The following SLC6A13 variants were observed in gnomAD, a reference collection of about 807,000 sequenced individuals.
SLC6A13 encodes sodium- and chloride-dependent GABA transporter 2.
A neutral mutation model predicts 72.9 loss-of-function variants in SLC6A13; 69 were observed. The observed-to-expected ratio is 0.95, with a 90% confidence interval of 0.78 to 1.16. The LOEUF is 1.16. Among genes scored for constraint, SLC6A13 ranks in the 50% most tolerant of loss-of-function variants. The pLI is 0.00. For missense variants in SLC6A13, 735 were observed against 760.5 expected (o/e 0.97, Z 0.39); for synonymous variants, 303 against 303.0 (o/e 1.00, Z 0.00).
At chr12:250,833 C>CAAAAAAAAAAAAAAAAA (rs71045051) in intron 2 of SLC6A13, among the ~76,000 whole-genome samples, 25 of 82,572 alleles carry the variant, frequency 3.0e-4, no homozygotes, top group African/African-American at 4.4e-4. Context: ...AATAGCCCCC[C>CAAAAAAAAAAAAAAAAA]AAAAAAAAAA....
At chr12:252,856 C>T (rs1328038727) in intron 2 of SLC6A13, among the ~76,000 whole-genome samples, 1 of 152,162 alleles carries the variant, frequency 6.6e-6, no homozygotes, top group Non-Finnish European at 1.5e-5. Flanking sequence ...CACCTCCTTC[C>T]TCTGCCTCGT....
chr12:227,404 T>C (rs1459295125), intron 8 of SLC6A13, 161 bp downstream of exon 8: 2 of 814,710 alleles, frequency 2.5e-6, no homozygotes, highest in East Asian at 2.5e-4. Context: ...TGCAGTTGGC[T>C]CCTTGCAGCT....
chr12:223,946 A>G, intron 11 of SLC6A13, 46 bp downstream of exon 11: 2 of 1,608,658 alleles, frequency 1.2e-6, no homozygotes, highest in Middle Eastern at 1.7e-4. Flanking sequence ...AGCAGCTGTC[A>G]CTTGGCTCCT....
Position 236,824 on chromosome 12 carries a change from A to G in SLC6A13, c.696+334T>C, listed in dbSNP as rs563264980. 186 of 185,016 alleles carry G rather than the reference A, an allele frequency of 1.0e-3. 1 individual carries two copies. Among genetic ancestry groups the G allele is most frequent in the African/African-American group, 3.5e-3 (151 of 42,818 alleles). The allele number at this position is 185,016 out of a possible 1,614,324, so 11.5% of individuals were successfully genotyped here. On this transcript the variant is annotated intron_variant, in intron 6 of 14. Transcript: ENST00000343164. ...GATTAAGAATCATTTTGAGATGAAG[A>G]GTCTTCATGGAATTCTTTTTCCAAA...
chr12:222,230 T>C (rs1004375823), intron 13 of SLC6A13, among the ~76,000 whole-genome samples: 1 of 152,232 alleles, frequency 6.6e-6, no homozygotes, highest in African/African-American at 2.4e-5. Flanking sequence ...CTGTGGTTAT[T>C]AGCATTTTTA....
At chr12:228,982 T>A (rs2137264836) in intron 7 of SLC6A13, among the ~76,000 whole-genome samples, 1 of 152,278 alleles carries the variant, frequency 6.6e-6, no homozygotes, top group African/African-American at 2.4e-5. Context: ...ATGTCTCCAT[T>A]CTGCAGGGCC....
At chr12:249,334 AC>A (rs1439317231) in intron 2 of SLC6A13, among the ~76,000 whole-genome samples, 1 of 152,140 alleles carries the variant, frequency 6.6e-6, no homozygotes, top group Non-Finnish European at 1.5e-5. Flanking sequence ...AAAATGGAAA[AC>A]AGGAAAGCAA....
chr12:249,986 T>C (rs1191650060), intron 2 of SLC6A13, among the ~76,000 whole-genome samples: 3 of 152,166 alleles, frequency 2.0e-5, no homozygotes, highest in African/African-American at 7.2e-5. Context: ...CCAGCTGTTA[T>C]AATAAATGGA....
intron 11 of SLC6A13, 88 bp from the exon 12 acceptor site, chr12:223,322 A>G: frequency 1.3e-6 from 1 of 748,432 alleles, no homozygotes; most frequent in South Asian, 1.9e-5. Context: ...CACACGGTGG[A>G]GGCACAGAGC....
intron 7 of SLC6A13, among the ~76,000 whole-genome samples, chr12:228,093 A>G (rs566595454): frequency 1.3e-5 from 2 of 152,266 alleles, no homozygotes; most frequent in African/African-American, 4.8e-5. Flanking sequence ...GGCCACCACC[A>G]GTATGTAGCT....
chr12:227,492 C>G (rs1457394589), intron 8 of SLC6A13, 73 bp downstream of exon 8: 1 of 1,597,886 alleles, frequency 6.3e-7, no homozygotes, highest in Non-Finnish European at 8.5e-7. Flanking sequence ...CTCCAACTCA[C>G]CCTCGTCTAG....
intron 2 of SLC6A13, among the ~76,000 whole-genome samples, chr12:251,155 C>CA (rs147560343): frequency 0.22 from 26,477 of 120,714 alleles, 2,725 homozygotes; most frequent in East Asian, 0.35. Context: ...GACTCTGTCT[C>CA]AAAAAAAAAC....
intron 4 of SLC6A13, chr12:238,369 G>A (rs1431945936): frequency 4.0e-5 from 52 of 1,305,226 alleles, no homozygotes; most frequent in Non-Finnish European, 4.9e-5. Flanking sequence ...AGAGGGAAGT[G>A]ATGTGTCAGA....
Position 223,126 on chromosome 12 carries a change from A to G in SLC6A13, c.1414+6T>C. The G allele has an allele frequency of 1.3e-6, 2 of 1,584,308 alleles. No homozygotes were observed. Among genetic ancestry groups the G allele is most frequent in the South Asian group, 1.1e-5 (1 of 90,378 alleles). On this transcript the variant is annotated splice_donor_region_variant and intron_variant, in intron 12 of 14. Coordinates refer to ENST00000343164, the MANE Select transcript of SLC6A13 (RefSeq NM_016615.5). ...GATGCTGGGACCTAGGGGAGGAGTCACTCACCGTAAACCCAAGCCACACAG... is the reference window on the plus strand; with the variant it reads ...GATGCTGGGACCTAGGGGAGGAGTCGCTCACCGTAAACCCAAGCCACACAG...
intron 2 of SLC6A13, chr12:259,417 G>A (rs1165474447): frequency 2.8e-6 from 3 of 1,077,118 alleles, no homozygotes; most frequent in South Asian, 3.7e-5. Flanking sequence ...GGTTATCAAC[G>A]TCATCATCAG....
chr12:254,987 A>AAAC lies in SLC6A13; in HGVS notation c.202+4861_202+4863dup, dbSNP rs745964541. 7.9e-5 allele frequency among the ~76,000 whole-genome samples: 12 copies of AAAC among 152,142 alleles called. 1 individual carries two copies. The East Asian group carries it at 9.7e-4, about 12-fold the overall frequency. ...CATGGCGAAACCCCCTCTCTATTAAAAACAACAACAACAACAAAACAAAAC... is the reference window on the plus strand; with the variant it reads ...CATGGCGAAACCCCCTCTCTATTAAAAACAACAACAACAACAACAAAACAAAAC... On this transcript the variant is annotated intron_variant, in intron 2 of 14. Transcript: ENST00000343164. This position sits in a 1 kb window ranked among gnomAD's most constrained non-coding sequence, Gnocchi z 4.4.
intron 2 of SLC6A13, among the ~76,000 whole-genome samples, chr12:257,893 C>G (rs1490061925): frequency 5.3e-5 from 8 of 152,212 alleles, no homozygotes; most frequent in Non-Finnish European, 8.8e-5. Context: ...TTACCCAATT[C>G]CAGAGAGGCT....
intron 5 of SLC6A13, 126 bp downstream of exon 5, chr12:237,800 A>G: frequency 1.4e-6 from 1 of 717,108 alleles, no homozygotes; most frequent in Non-Finnish European, 2.4e-6. Flanking sequence ...TAGGCACCAC[A>G]GAAAAAAGCC....
chr12:255,510 A>T (rs1942709320), intron 2 of SLC6A13, among the ~76,000 whole-genome samples: 1 of 152,266 alleles, frequency 6.6e-6, no homozygotes, highest in Non-Finnish European at 1.5e-5. Flanking sequence ...AGCCTGGCCA[A>T]CACGGCAAAA....
Sources: gnomAD v4.1 joint callset for allele counts (sites outside exome capture counted in the v4.1 genomes callset) on GRCh38, gnomAD v4.1.1 for gene constraint, Gnocchi (gnomAD v3.1) non-coding constraint, MANE v1.5 for transcripts, NCBI Gene and HGNC (gene_info 2026-07-23, HGNC 2026-07-21) for gene names.